The following MINDY3 variants were observed in gnomAD, a reference collection of about 807,000 sequenced individuals.
The protein encoded by MINDY3 is MINDY lysine 48 deubiquitinase 3.
Under a neutral mutation model 69.2 loss-of-function variants are expected in MINDY3, and 38 were observed. The observed-to-expected ratio is 0.55, with a 90% CI of 0.42 to 0.72. MINDY3 has a LOEUF of 0.72. Ranked by LOEUF, MINDY3 falls within the 30% of genes least tolerant of loss-of-function variation. The pLI, the probability that MINDY3 is intolerant of heterozygous loss-of-function variation, is 0.00. For missense variants in MINDY3, 522 were observed against 519.0 expected (o/e 1.01, Z -0.06); for synonymous variants, 192 against 180.1 (o/e 1.07, Z -0.53).
At chr10:15,790,605 C>G (rs1837333836) in intron 11 of MINDY3, among the ~76,000 whole-genome samples, 1 of 152,106 alleles carries the variant, frequency 6.6e-6, no homozygotes, top group Admixed American at 6.6e-5. Flanking sequence ...CACCAACAGA[C>G]AGGAACAATT....
intron 8 of MINDY3, among the ~76,000 whole-genome samples, chr10:15,829,581 A>G (rs566656678): frequency 2.9e-3 from 438 of 152,330 alleles, no homozygotes; most frequent in Non-Finnish European, 4.0e-3. Flanking sequence ...AGAAGCTGAA[A>G]CTTTAGTTGG....
intron 1 of MINDY3, among the ~76,000 whole-genome samples, chr10:15,849,011 G>C (rs1476752031): frequency 6.6e-6 from 1 of 152,158 alleles, no homozygotes; most frequent in Non-Finnish European, 1.5e-5. Context: ...GGATGACACA[G>C]TCTCTGGTCT....
intron 6 of MINDY3, among the ~76,000 whole-genome samples, chr10:15,835,992 T>C (rs529986570): frequency 6.6e-6 from 1 of 152,166 alleles, no homozygotes; most frequent in East Asian, 1.9e-4. Context: ...AAAAAGATCT[T>C]GTCACTCCCT....
chr10:15,814,732 CTG>C (rs1251426858), intron 10 of MINDY3, among the ~76,000 whole-genome samples: 1 of 152,100 alleles, frequency 6.6e-6, no homozygotes, highest in Non-Finnish European at 1.5e-5. Context: ...GAATTAGAAA[CTG>C]TGTGCTGTTT....
Position 15,816,817 on chromosome 10 carries a change from A to G in MINDY3, c.882+18T>C, listed in dbSNP as rs80206007. On this transcript the variant is annotated intron_variant, in intron 10 of 14. Coordinates refer to ENST00000277632, the MANE Select transcript of MINDY3 (RefSeq NM_024948.4). ...GCCTGATGTCATAACTTAAAAAAAA[A>G]TCCTGCTATAAGCATACCTTGGCAA... is the stretch of plus-strand genomic sequence containing the variant. 36,658 of 1,568,644 alleles carry G rather than the reference A, an allele frequency of 0.023. 552 individuals are homozygous for G. The highest frequency in any genetic ancestry group is 0.028 in the Non-Finnish European group (31,617 of 1,141,794).
intron 10 of MINDY3, among the ~76,000 whole-genome samples, chr10:15,815,502 A>C (rs1748424112): frequency 6.6e-6 from 1 of 152,238 alleles, no homozygotes; most frequent in South Asian, 2.1e-4. Context: ...ATAAACTTTC[A>C]TTGACTATAC....
intron 8 of MINDY3, among the ~76,000 whole-genome samples, chr10:15,826,297 G>C (rs1183080923): frequency 6.6e-6 from 1 of 152,172 alleles, no homozygotes; most frequent in African/African-American, 2.4e-5. Flanking sequence ...CTGTGAAAGA[G>C]TGGGCAAGAA....
chr10:15,806,702 C>T (rs1588554249), intron 10 of MINDY3, among the ~76,000 whole-genome samples: 1 of 152,160 alleles, frequency 6.6e-6, no homozygotes, highest in Admixed American at 6.6e-5. Flanking sequence ...GCTGGTCCTA[C>T]AGCTGATCGT....
intron 1 of MINDY3, among the ~76,000 whole-genome samples, chr10:15,849,209 T>A (rs1286191855): frequency 2.0e-5 from 3 of 152,156 alleles, no homozygotes; most frequent in African/African-American, 7.2e-5. Context: ...CAAAGGTGAA[T>A]GAATGGAATT....
chr10:15,858,954 A>G (rs1283370318), intron 1 of MINDY3, among the ~76,000 whole-genome samples: 2 of 152,198 alleles, frequency 1.3e-5, no homozygotes, highest in African/African-American at 4.8e-5. Flanking sequence ...AGCCCAAGTC[A>G]TTACATGTAG....
At chr10:15,842,391 T>C (rs1023090825) in intron 3 of MINDY3, among the ~76,000 whole-genome samples, 2 of 151,882 alleles carry the variant, frequency 1.3e-5, no homozygotes. Flanking sequence ...TCAAAGTGAA[T>C]ATAGTGAATA....
At chr10:15,787,359 TG>T (rs1837052201) in intron 12 of MINDY3, among the ~76,000 whole-genome samples, 1 of 152,146 alleles carries the variant, frequency 6.6e-6, no homozygotes, top group African/African-American at 2.4e-5. Context: ...TGCAGTTTAA[TG>T]GGTTTAAAAA....
chr10:15,810,373 A>G (rs1168795872), intron 10 of MINDY3, among the ~76,000 whole-genome samples: 1 of 152,178 alleles, frequency 6.6e-6, no homozygotes, highest in Admixed American at 6.5e-5. Flanking sequence ...AATTTTGAAC[A>G]TGTTACAGCA....
chr10:15,794,979 C>A (rs2131876723), intron 11 of MINDY3, among the ~76,000 whole-genome samples: 1 of 96,038 alleles, frequency 1.0e-5, no homozygotes, highest in Non-Finnish European at 2.1e-5. Flanking sequence ...TTTTATGTTT[C>A]TTTTCTCAAG....
At chr10:15,823,214 T>C (rs1839885458) in intron 8 of MINDY3, among the ~76,000 whole-genome samples, 1 of 152,198 alleles carries the variant, frequency 6.6e-6, no homozygotes, top group South Asian at 2.1e-4. Flanking sequence ...GTTTATACTT[T>C]GTCACTAGCT....
chr10:15,795,273 A>AAGTT (rs1424407720), intron 11 of MINDY3, among the ~76,000 whole-genome samples: 2 of 152,062 alleles, frequency 1.3e-5, no homozygotes, highest in African/African-American at 4.8e-5. Flanking sequence ...AACTAGCCTA[A>AAGTT]AGTTATCTGC....
chr10:15,800,761 A>G (rs1285732232), intron 10 of MINDY3, among the ~76,000 whole-genome samples: 5 of 152,140 alleles, frequency 3.3e-5, no homozygotes, highest in African/African-American at 1.2e-4. Context: ...TCCAGCATAA[A>G]TATCGTAAAG....
At chr10:15,799,905 G>A (rs949622750) in intron 10 of MINDY3, among the ~76,000 whole-genome samples, 1 of 152,156 alleles carries the variant, frequency 6.6e-6, no homozygotes, top group Non-Finnish European at 1.5e-5. Context: ...ATTAGAAATA[G>A]AATATTAGTG....
chr10:15,849,960 GT>G (rs1467618515), intron 1 of MINDY3, among the ~76,000 whole-genome samples: 1 of 152,174 alleles, frequency 6.6e-6, no homozygotes, highest in Non-Finnish European at 1.5e-5. Flanking sequence ...ATGAGTGAAT[GT>G]TGCGGGAAGT....
Sources: gnomAD v4.1 joint callset for allele counts (sites outside exome capture counted in the v4.1 genomes callset) on GRCh38, gnomAD v4.1.1 for gene constraint, MANE v1.5 for transcripts, NCBI Gene and HGNC (gene_info 2026-07-23, HGNC 2026-07-21) for gene names.